RAD51B: variants seen among roughly 807,000 people sequenced by gnomAD.
RAD51B encodes the protein DNA repair protein RAD51 homolog 2.
In RAD51B, 38 loss-of-function variants were observed where a neutral mutation model predicts 42.2. The ratio of observed to expected loss-of-function variants is 0.90; its 90% CI spans 0.70 to 1.18. The LOEUF is 1.18. RAD51B is among the 50% of genes most tolerant of loss of function. RAD51B has a pLI of 0.00. For missense variants in RAD51B, 373 were observed against 400.7 expected (o/e 0.93, Z 0.59); for synonymous variants, 154 against 145.2 (o/e 1.06, Z -0.43).
At chr14:68,256,087 G>T (rs2080748540) in intron 7 of RAD51B, among the ~76,000 whole-genome samples, 1 of 152,216 alleles carries the variant, frequency 6.6e-6, no homozygotes, top group African/African-American at 2.4e-5. Flanking sequence ...GTCAGTGGAA[G>T]AAATATGTGC....
chr14:68,178,881 C>T (rs1194220327), intron 7 of RAD51B, among the ~76,000 whole-genome samples: 1 of 152,194 alleles, frequency 6.6e-6, no homozygotes, highest in African/African-American at 2.4e-5. Flanking sequence ...TCATCTTTCC[C>T]TACTTTTTCA....
intron 10 of RAD51B, among the ~76,000 whole-genome samples, chr14:68,510,543 T>C (rs1398028665): frequency 6.6e-6 from 1 of 152,054 alleles, no homozygotes; most frequent in African/African-American, 2.4e-5. Flanking sequence ...CTCTGGCTGG[T>C]TGTGTGTCTG....
At chr14:67,949,944 G>A (rs562185159) in intron 7 of RAD51B, among the ~76,000 whole-genome samples, 11 of 152,136 alleles carry the variant, frequency 7.2e-5, no homozygotes, top group Middle Eastern at 3.4e-3. Context: ...TCTTAACAGC[G>A]GGCTTAAAAT....
intron 10 of RAD51B, among the ~76,000 whole-genome samples, chr14:68,515,778 CTT>C (rs546071661): frequency 0.043 from 4,826 of 113,338 alleles, 213 homozygotes; most frequent in African/African-American, 0.15. Context: ...CTTTTCTTTT[CTT>C]TTTTTTTTTT....
At chr14:68,126,844 G>A (rs1239518316) in intron 7 of RAD51B, among the ~76,000 whole-genome samples, 1 of 152,126 alleles carries the variant, frequency 6.6e-6, no homozygotes, top group Non-Finnish European at 1.5e-5. Context: ...AAGGTGTTTG[G>A]GTGGATTCGT....
intron 8 of RAD51B, among the ~76,000 whole-genome samples, chr14:68,342,470 C>T (rs2082590675): frequency 6.6e-6 from 1 of 152,164 alleles, no homozygotes; most frequent in South Asian, 2.1e-4. Context: ...ATATTGTCCT[C>T]CACCAGCCAT....
intron 7 of RAD51B, among the ~76,000 whole-genome samples, chr14:68,211,339 G>T (rs1307450120): frequency 4.6e-5 from 7 of 152,070 alleles, no homozygotes; most frequent in Non-Finnish European, 1.0e-4. Flanking sequence ...CCCTCCACCC[G>T]CTTTCCCCAT....
At chr14:68,223,392 A>G (rs995608216) in intron 7 of RAD51B, among the ~76,000 whole-genome samples, 3 of 152,200 alleles carry the variant, frequency 2.0e-5, no homozygotes, top group Non-Finnish European at 4.4e-5. Flanking sequence ...ACACATAAAC[A>G]CATACTCACA....
chr14:68,064,039 C>T (rs1275392651), intron 7 of RAD51B, among the ~76,000 whole-genome samples: 1 of 152,098 alleles, frequency 6.6e-6, no homozygotes, highest in Non-Finnish European at 1.5e-5. Context: ...TGTATCTGCA[C>T]TGTCAGTGTT....
chr14:68,090,488 T>G (rs936160359), intron 7 of RAD51B, among the ~76,000 whole-genome samples: 3 of 152,252 alleles, frequency 2.0e-5, no homozygotes, highest in East Asian at 3.9e-4. Flanking sequence ...GGCCTTGGTT[T>G]GTAGAGAATA....
chr14:68,641,707 A>G (rs1253112180), intron 10 of RAD51B, among the ~76,000 whole-genome samples: 1 of 151,794 alleles, frequency 6.6e-6, no homozygotes, highest in Non-Finnish European at 1.5e-5. Context: ...ATAGAATCAT[A>G]TCTATTGATA....
At chr14:68,179,806 G>A (rs576141615) in intron 7 of RAD51B, among the ~76,000 whole-genome samples, 2 of 152,244 alleles carry the variant, frequency 1.3e-5, no homozygotes, top group South Asian at 4.2e-4. Flanking sequence ...GCTATGACAT[G>A]GGTAAACAGA....
chr14:67,902,250 A>G (rs997045914), intron 7 of RAD51B, among the ~76,000 whole-genome samples: 1 of 151,772 alleles, frequency 6.6e-6, no homozygotes, highest in African/African-American at 2.4e-5. Context: ...TCCGATTACT[A>G]AACTTTATAG....
intron 10 of RAD51B, among the ~76,000 whole-genome samples, chr14:68,483,389 A>C (rs1883354406): frequency 6.6e-6 from 1 of 152,218 alleles, no homozygotes; most frequent in African/African-American, 2.4e-5. Flanking sequence ...TTTAGTCCAC[A>C]GGTGACCTTT....
At chr14:68,464,627 C>T (rs891144880) in intron 9 of RAD51B, among the ~76,000 whole-genome samples, 2 of 152,196 alleles carry the variant, frequency 1.3e-5, no homozygotes, top group Admixed American at 1.3e-4. Context: ...TGGTCACTCA[C>T]AAGTCCACTT....
At chr14:68,012,940 G>C (rs1172939994) in intron 7 of RAD51B, among the ~76,000 whole-genome samples, 1 of 152,146 alleles carries the variant, frequency 6.6e-6, no homozygotes, top group Non-Finnish European at 1.5e-5. Flanking sequence ...AAGTATAGCA[G>C]TTTTATTGTT....
At chr14:68,145,579 A>C (rs2078231670) in intron 7 of RAD51B, among the ~76,000 whole-genome samples, 2 of 152,240 alleles carry the variant, frequency 1.3e-5, no homozygotes, top group African/African-American at 4.8e-5. Context: ...TAATAACTTA[A>C]AATAGGTATT....
At chr14:68,200,729 C>G (rs1199260310) in intron 7 of RAD51B, among the ~76,000 whole-genome samples, 3 of 152,146 alleles carry the variant, frequency 2.0e-5, no homozygotes, top group Non-Finnish European at 2.9e-5. Flanking sequence ...TCACGGCTCA[C>G]TGTAGCCTCA....
downstream of RAD51B, among the ~76,000 whole-genome samples, chr14:68,615,354 T>C (rs1349410382): frequency 6.6e-6 from 1 of 152,050 alleles, no homozygotes; most frequent in African/African-American, 2.4e-5. Context: ...AATTTTTCTT[T>C]TTTTTTTTTG....
Sources: gnomAD v4.1 joint callset for allele counts (sites outside exome capture counted in the v4.1 genomes callset) on GRCh38, gnomAD v4.1.1 for gene constraint, MANE v1.5 for transcripts, NCBI Gene and HGNC (gene_info 2026-07-23, HGNC 2026-07-21) for gene names.